The following HLA-DOB variants were observed in gnomAD, a reference collection of about 807,000 sequenced individuals.
HLA-DOB encodes the protein major histocompatibility complex, class II, DO beta, also known as HLA class II histocompatibility antigen, DO beta chain.
HLA-DOB carries 25 observed loss-of-function variants against 27.7 expected under a neutral mutation model. That is an observed-to-expected ratio of 0.90 (90% CI 0.66 to 1.26). The LOEUF (loss-of-function observed/expected upper bound fraction) is 1.26, where lower values mean the gene tolerates loss of function less well. Among genes scored for constraint, HLA-DOB ranks in the 50% most tolerant of loss-of-function variants. The probability of loss-of-function intolerance (pLI) is 0.00; values close to 1 mark genes in which losing one functional copy is unlikely to be tolerated. For missense variants in HLA-DOB, 306 were observed against 324.9 expected (o/e 0.94, Z 0.45); for synonymous variants, 137 against 125.6 (o/e 1.09, Z -0.61).
At chr6:32,816,140 C>A (rs1768010073) in intron 1 of HLA-DOB, among the ~76,000 whole-genome samples, 1 of 152,044 alleles carries the variant, frequency 6.6e-6, no homozygotes, top group African/African-American at 2.4e-5. Context: ...TCTCTCCTGG[C>A]CAGGTTTGTT....
In HLA-DOB at chr6:32,814,195, G is replaced by A. The variant is rs543114675; in HGVS notation, c.643+125C>T. On this transcript the variant is annotated intron_variant, in intron 3 of 5. Transcript: ENST00000438763. ...CCCAAGGACTCTGGTTTCTGTGACTGTCCCAGATCAAGGGAAAGAATAATT... is the reference window on the plus strand; with the variant it reads ...CCCAAGGACTCTGGTTTCTGTGACTATCCCAGATCAAGGGAAAGAATAATT... 1.3e-3 allele frequency: 1,241 copies of A among 940,714 alleles called. 7 individuals carry two copies. Among genetic ancestry groups the A allele is most frequent in the Non-Finnish European group, 1.7e-3 (1,060 of 621,808 alleles). 58.3% of individuals were successfully genotyped at this position (940,714 alleles called of 1,614,324 possible). A position where few individuals can be genotyped will look rare whatever the true frequency, so the allele number is the denominator to read the frequency against.
At chr6:32,816,479 G>A (rs998792281) in intron 1 of HLA-DOB, among the ~76,000 whole-genome samples, 1 of 152,050 alleles carries the variant, frequency 6.6e-6, no homozygotes, top group South Asian at 2.1e-4. Context: ...ATTTGTTTCC[G>A]TGTCCTGACC....
intron 2 of HLA-DOB, 42 bp downstream of exon 2, chr6:32,815,002 G>A: frequency 1.2e-6 from 2 of 1,605,062 alleles, no homozygotes; most frequent in South Asian, 1.1e-5. Flanking sequence ...GTTCACATGG[G>A]GGACATTCCT....
Position 32,814,440 on chromosome 6 carries a change from T to C in HLA-DOB, c.523A>G (p.Arg175Gly). Residue 175 changes from arginine (R) to glycine (G), a missense_variant, in exon 3 of 6, where the codon AGG (arginine) becomes GGG (glycine). By Grantham distance (125) the Arg-to-Gly change is moderately radical. Coordinates refer to ENST00000438763, the MANE Select transcript of HLA-DOB (RefSeq NM_002120.4). ...RAGVMSTGPI[R>G]NGDWTFQTVV... is the part of the protein sequence containing the mutation. The stretch of plus-strand genomic sequence containing the variant: ...GTCTGAAAGGTCCAGTCTCCATTCC[T>C]GATAGGGCCAGTGGACATGACCCCA... 6.2e-7 allele frequency: 1 copy of C among 1,613,088 alleles called. No individual in the cohort carries two copies.
chr6:32,816,783 G>T, intron 1 of HLA-DOB, 78 bp downstream of exon 1: 2 of 1,168,616 alleles, frequency 1.7e-6, no homozygotes, highest in Non-Finnish European at 2.5e-6. Flanking sequence ...CTGTGGCCTG[G>T]ACTTACAAAG....
chr6:32,812,975 T>G lies in HLA-DOB; in HGVS notation c.*241A>C. The G allele has an allele frequency of 1.7e-6, 1 of 580,292 alleles. No homozygotes were observed. The highest frequency in any genetic ancestry group is 2.1e-5 in the South Asian group (1 of 47,100). 35.9% of individuals were successfully genotyped at this position (580,292 alleles called of 1,614,324 possible). A position where few individuals can be genotyped will look rare whatever the true frequency, so the allele number is the denominator to read the frequency against. On this transcript the variant is annotated 3_prime_UTR_variant, in exon 6 of 6. Coordinates refer to ENST00000438763, the MANE Select transcript of HLA-DOB (RefSeq NM_002120.4). ...GGAAGGAGTAAGGTCTCAGGGGAGT[T>G]TCTGGACAATGCCCTTGGCAATGGG...
chr6:32,816,711 GT>G, intron 1 of HLA-DOB, 149 bp downstream of exon 1: 1 of 617,312 alleles, frequency 1.6e-6, no homozygotes, highest in Non-Finnish European at 2.8e-6. Context: ...GAGGCAAGGC[GT>G]ACCTTTCTGC....
intron 2 of HLA-DOB, 46 bp from the exon 3 acceptor site, chr6:32,814,647 G>A (rs1767942948): frequency 6.6e-7 from 1 of 1,523,818 alleles, no homozygotes; most frequent in Non-Finnish European, 9.0e-7. Flanking sequence ...AAACCACCAA[G>A]CTGGGACAGG....
chr6:32,814,480 C>A lies in HLA-DOB; in HGVS notation c.483G>T (p.Gly161=). The A allele has an allele frequency of 6.2e-7, 1 of 1,613,046 alleles. No homozygotes were observed. The highest frequency in any genetic ancestry group is 8.5e-7 in the Non-Finnish European group (1 of 1,179,990). Residue 161 remains glycine, a synonymous_variant, in exon 3 of 6, where the codon GGG becomes GGT. Transcript: ENST00000438763. ...ACATGACCCCAGCTCTCTCCTCCTG[C>A]CCATTCAGGAACCACTTGATCTTGA... ...GDIKIKWFLN[G]QEERAGVMST... is the part of the protein sequence containing the mutation.
chr6:32,813,344 G>A, intron 5 of HLA-DOB, 93 bp from the exon 6 acceptor site: 1 of 1,585,070 alleles, frequency 6.3e-7, no homozygotes, highest in Non-Finnish European at 8.7e-7. Flanking sequence ...CCAGACAGCA[G>A]CAACCTTACT....
rs1392967298 is a variant in HLA-DOB at position 32,814,303 on chromosome 6, T to C, written c.643+17A>G. ...GTCCTGAGTCAGGCCCAGAGAGTAC[T>C]AGAAACTAATTCTCACTCCACTCCA... is the stretch of plus-strand genomic sequence containing the variant. On this transcript the variant is annotated intron_variant, in intron 3 of 5. Transcript: ENST00000438763. The C allele has an allele frequency of 6.2e-7, 1 of 1,611,820 alleles. No individual in the cohort carries two copies. The highest frequency in any genetic ancestry group is 1.7e-5 in the Admixed American group (1 of 60,014).
rs1462241776 is a variant in HLA-DOB, at chr6:32,816,635, T to TCC, written c.91+224_91+225dup. 2.0e-5 allele frequency among the ~76,000 whole-genome samples: 3 copies of TCC among 152,262 alleles called. No homozygotes were observed. The East Asian group carries it at 5.8e-4, about 29-fold the overall frequency. ...AGGATCCTAAACAAGACACAATGTT[T>TCC]CCCTCTTCCTGCCTCCCTACCCCTT... On this transcript the variant is annotated intron_variant, in intron 1 of 5. Coordinates refer to ENST00000438763, the MANE Select transcript of HLA-DOB (RefSeq NM_002120.4).
chr6:32,816,550 C>T (rs1768026386), intron 1 of HLA-DOB, among the ~76,000 whole-genome samples: 1 of 152,168 alleles, frequency 6.6e-6, no homozygotes, highest in African/African-American at 2.4e-5. Flanking sequence ...CCAGCAGGCT[C>T]GAACCCAAGC....
At position 32,814,473 on chromosome 6, in the gene HLA-DOB, C is replaced by G. The variant is rs142148406; in HGVS notation, c.490G>C (p.Glu164Gln). Reference protein sequence around the residue: ...KIKWFLNGQEERAGVMSTGPI... With the variant: ...KIKWFLNGQEQRAGVMSTGPI... ...CCAGTGGACATGACCCCAGCTCTCT[C>G]CTCCTGCCCATTCAGGAACCACTTG... The change falls in exon 3 of 6, where the codon GAG (glutamate) becomes CAG (glutamine). Residue 164 changes from glutamate to glutamine, a missense_variant. Transcript: ENST00000438763. 7.4e-5 allele frequency: 119 copies of G among 1,613,088 alleles called. 2 individuals are homozygous for G. In the African/African-American group the frequency reaches 1.5e-3, roughly 20 times the overall value.
At chr6:32,814,885 G>A (rs1019418893) in intron 2 of HLA-DOB, among the ~76,000 whole-genome samples, 159 bp downstream of exon 2, 1 of 152,144 alleles carries the variant, frequency 6.6e-6, no homozygotes, top group Non-Finnish European at 1.5e-5. Context: ...GATCACAGTG[G>A]CTGACTTGTG....
chr6:32,814,954 G>T, intron 2 of HLA-DOB, 90 bp downstream of exon 2: 1 of 1,416,700 alleles, frequency 7.1e-7, no homozygotes, highest in Non-Finnish European at 9.7e-7. Context: ...TTATCCTAAA[G>T]CAGAAAATTG....
intron 3 of HLA-DOB, 61 bp downstream of exon 3, chr6:32,814,259 T>C (rs1011746176): frequency 6.9e-6 from 10 of 1,452,444 alleles, no homozygotes; most frequent in Non-Finnish European, 8.6e-6. Flanking sequence ...TGACACAGGC[T>C]CTGTATTGAG....
rs772081272 is a variant in HLA-DOB at position 32,813,192 on chromosome 6, G to A, written c.*24C>T. On this transcript the variant is annotated 3_prime_UTR_variant, in exon 6 of 6. Transcript: ENST00000438763. The stretch of plus-strand genomic sequence containing the variant: ...CTACTCATCACTACTTCAGGCTCCA[G>A]AGAGAGAAGCTTCAGTGAGGACCTT... 1 of 1,610,554 alleles carries A rather than the reference G, an allele frequency of 6.2e-7. No individual in the cohort carries two copies. Among genetic ancestry groups the A allele is most frequent in the Admixed American group, 1.7e-5 (1 of 60,024 alleles).
At chr6:32,813,296 C>T (rs1767875387) in intron 5 of HLA-DOB, 45 bp from the exon 6 acceptor site, 1 of 1,610,168 alleles carries the variant, frequency 6.2e-7, no homozygotes. Context: ...CCTCACCACC[C>T]CCCACAGCCG....
Sources: gnomAD v4.1 joint callset for allele counts (sites outside exome capture counted in the v4.1 genomes callset) on GRCh38, gnomAD v4.1.1 for gene constraint, MANE v1.5 for transcripts, NCBI Gene and HGNC (gene_info 2026-07-23, HGNC 2026-07-21) for gene names.